Variants in CSMD3 observed in about 807,000 individuals in gnomAD.
CSMD3 encodes the protein CUB and sushi domain-containing protein 3.
In CSMD3, 177 loss-of-function variants were observed where a neutral mutation model predicts 435.2. The ratio of observed to expected loss-of-function variants is 0.41; its 90% CI spans 0.36 to 0.46. The LOEUF is 0.46. Ranked by LOEUF, CSMD3 falls within the 20% of genes least tolerant of loss-of-function variation. CSMD3 has a pLI of 0.34. For synonymous variants in CSMD3, 1,656 were observed against 1,520.5 expected (o/e 1.09, Z -2.07); for missense variants, 4,265 against 4,504.6 (o/e 0.95, Z 1.52).
chr8:112,851,017 A>C (rs2080467952), intron 11 of CSMD3, among the ~76,000 whole-genome samples: 1 of 152,212 alleles, frequency 6.6e-6, no homozygotes, highest in Admixed American at 6.5e-5. Flanking sequence ...ATTATATTTT[A>C]GTTCATCTTG....
rs186207079 is a variant in CSMD3 at position 113,431,252 on chromosome 8, T to C, written c.178+5425A>G. Among the ~76,000 whole-genome samples, 169 of 152,332 alleles carry C rather than the reference T, an allele frequency of 1.1e-3. 2 individuals are homozygous for C. Among genetic ancestry groups the C allele is most frequent in the South Asian group, 1.9e-3 (9 of 4,822 alleles). On this transcript the variant is annotated intron_variant, in intron 1 of 70. Coordinates refer to ENST00000297405, the MANE Select transcript of CSMD3 (RefSeq NM_198123.2). ...AAAGTCCAAATCAATATTTCCACTG[T>C]ATTCTAAATTATATACTCCTTTGGA...
At chr8:112,875,418 G>A (rs569297293) in intron 10 of CSMD3, among the ~76,000 whole-genome samples, 21 of 152,176 alleles carry the variant, frequency 1.4e-4, no homozygotes, top group African/African-American at 4.3e-4. Flanking sequence ...TTCTCGAGGA[G>A]TATCTTTGTG....
intron 1 of CSMD3, chr8:113,376,963 A>C: frequency 1.5e-6 from 2 of 1,352,594 alleles, no homozygotes; most frequent in Non-Finnish European, 2.0e-6. Context: ...GCCCAAACTA[A>C]AGGTGTGTGC....
At chr8:113,033,255 A>G (rs1416641465) in intron 5 of CSMD3, among the ~76,000 whole-genome samples, 1 of 151,716 alleles carries the variant, frequency 6.6e-6, no homozygotes, top group African/African-American at 2.4e-5. Context: ...AGTCTGCACC[A>G]TGTGCCTGGA....
At chr8:113,322,758 T>A (rs930876963) in intron 1 of CSMD3, among the ~76,000 whole-genome samples, 14 of 152,186 alleles carry the variant, frequency 9.2e-5, no homozygotes, top group African/African-American at 2.7e-4. Flanking sequence ...GGCTTTTTTT[T>A]ATTTTTGAGA....
At chr8:112,304,559 A>G (rs975829465) in intron 52 of CSMD3, among the ~76,000 whole-genome samples, 162 bp downstream of exon 52, 7 of 152,188 alleles carry the variant, frequency 4.6e-5, no homozygotes, top group African/African-American at 1.7e-4. Context: ...TTACTAATAC[A>G]TAGAAACATA....
intron 3 of CSMD3, among the ~76,000 whole-genome samples, chr8:113,210,499 A>G (rs1265062402): frequency 6.6e-6 from 1 of 152,142 alleles, no homozygotes; most frequent in Non-Finnish European, 1.5e-5. Flanking sequence ...AAAAATGTAC[A>G]TATTTTATAT....
intron 13 of CSMD3, among the ~76,000 whole-genome samples, chr8:112,768,959 A>G (rs961861268): frequency 2.6e-5 from 4 of 151,912 alleles, no homozygotes; most frequent in African/African-American, 9.7e-5. Context: ...ATGTTCAGCT[A>G]TTTATTCACA....
At chr8:112,632,016 G>A (rs2074528653) in intron 22 of CSMD3, among the ~76,000 whole-genome samples, 1 of 151,818 alleles carries the variant, frequency 6.6e-6, no homozygotes, top group African/African-American at 2.4e-5. Flanking sequence ...ATACATATGT[G>A]GGCATCTGAT....
intron 32 of CSMD3, among the ~76,000 whole-genome samples, chr8:112,471,208 T>C (rs1176135922): frequency 2.0e-5 from 3 of 152,144 alleles, no homozygotes; most frequent in Admixed American, 6.6e-5. Context: ...GAACAGAGTA[T>C]AATACGATAA....
At chr8:112,565,045 A>C (rs1828954287) in intron 24 of CSMD3, among the ~76,000 whole-genome samples, 1 of 152,120 alleles carries the variant, frequency 6.6e-6, no homozygotes, top group African/African-American at 2.4e-5. Flanking sequence ...TATGAAAATA[A>C]TGATACTTTT....
intron 24 of CSMD3, among the ~76,000 whole-genome samples, chr8:112,563,364 T>C (rs1828802251): frequency 1.3e-5 from 2 of 151,816 alleles, no homozygotes; most frequent in Non-Finnish European, 2.9e-5. Flanking sequence ...AAATTATTAC[T>C]ATGCATTTCC....
At chr8:113,259,441 C>T (rs542020290) in intron 3 of CSMD3, among the ~76,000 whole-genome samples, 18 of 152,188 alleles carry the variant, frequency 1.2e-4, no homozygotes, top group Non-Finnish European at 2.2e-4. Flanking sequence ...GAAGCTTGAA[C>T]AATAAGAATT....
intron 12 of CSMD3, among the ~76,000 whole-genome samples, chr8:112,818,663 C>T (rs2079445879): frequency 6.6e-6 from 1 of 152,146 alleles, no homozygotes; most frequent in African/African-American, 2.4e-5. Context: ...AGATGGGCCC[C>T]TTCTCTGATT....
intron 3 of CSMD3, among the ~76,000 whole-genome samples, chr8:113,225,918 GGCTGTTCCCCCCT>G (rs1252838214): frequency 2.0e-5 from 3 of 151,412 alleles, no homozygotes; most frequent in Non-Finnish European, 4.4e-5. Context: ...AGATCATGAA[GGCTGTTCCCCCCT>G]GCTGTCCTCA....
intron 5 of CSMD3, 104 bp downstream of exon 5, chr8:113,098,652 T>A (rs765310178): frequency 5.1e-6 from 4 of 784,122 alleles, no homozygotes; most frequent in Non-Finnish European, 8.7e-6. Context: ...TCCTGTAAGA[T>A]CTTTTAAATA....
chr8:112,435,193 G>T (rs1226413565), intron 32 of CSMD3, among the ~76,000 whole-genome samples: 1 of 152,092 alleles, frequency 6.6e-6, no homozygotes, highest in East Asian at 1.9e-4. Flanking sequence ...TAGAAAAGTA[G>T]TTATTTTTCT....
In CSMD3 at chr8:112,690,024, G is replaced by T. The variant is rs902184315; in HGVS notation, c.1999C>A (p.Pro667Thr). Residue 667 changes from proline (P) to threonine (T), a missense_variant, in exon 14 of 71, where the codon CCT becomes ACT. By Grantham distance (38) the Pro-to-Thr change is conservative. This residue lies in a region of CSMD3 where 279 missense variants were observed against 369.0 expected (regional missense o/e 0.76). Transcript: ENST00000297405. Reference protein sequence around the residue: ...KEIEKESCGDPGTPLYGIREG... With the variant: ...KEIEKESCGDTGTPLYGIREG... Reference sequence around the variant, plus strand: ...CTAATTCCATATAAGGGTGTACCAGGATCACCACAACTTTCTTTCTCAATT... The same window carrying T: ...CTAATTCCATATAAGGGTGTACCAGTATCACCACAACTTTCTTTCTCAATT... 1 of 1,613,072 alleles carries T rather than the reference G, an allele frequency of 6.2e-7. No individual in the cohort carries two copies. Among genetic ancestry groups the T allele is most frequent in the Non-Finnish European group, 8.5e-7 (1 of 1,179,350 alleles).
intron 1 of CSMD3, among the ~76,000 whole-genome samples, chr8:113,377,441 A>G (rs933936804): frequency 1.3e-5 from 2 of 152,236 alleles, no homozygotes; most frequent in African/African-American, 4.8e-5. Context: ...GATGCTGATA[A>G]GTCAAAAGTG....
Sources: allele counts gnomAD v4.1 joint callset (sites outside exome capture counted in the v4.1 genomes callset), GRCh38; gene constraint gnomAD v4.1.1; regional missense constraint gnomAD v4.1.1; transcripts MANE v1.5; gene names NCBI Gene and HGNC (gene_info 2026-07-23, HGNC 2026-07-21).